Variants in ARG2 observed in about 807,000 individuals in gnomAD.
ARG2 encodes the protein arginase 2, also known as arginase-2, mitochondrial.
A neutral mutation model predicts 39.4 loss-of-function variants in ARG2; 21 were observed. The ratio of observed to expected loss-of-function variants is 0.53; its 90% CI spans 0.38 to 0.77. ARG2 has a LOEUF of 0.77. Among genes scored for constraint, ARG2 ranks in the 30% least tolerant of loss-of-function variants. The pLI is 0.00. For missense variants in ARG2, 378 were observed against 426.2 expected (o/e 0.89, Z 1.00); for synonymous variants, 150 against 156.7 (o/e 0.96, Z 0.32).
At chr14:67,640,812 C>G (rs916842539) in intron 2 of ARG2, among the ~76,000 whole-genome samples, 3 of 152,182 alleles carry the variant, frequency 2.0e-5, no homozygotes, top group African/African-American at 4.8e-5. Context: ...GAATATAGCA[C>G]TAGTTCTTAA....
intron 2 of ARG2, among the ~76,000 whole-genome samples, chr14:67,634,852 A>G (rs2036954790): frequency 6.6e-6 from 1 of 152,194 alleles, no homozygotes; most frequent in South Asian, 2.1e-4. Context: ...CCTCTCTATT[A>G]ATGACCAAAC....
At chr14:67,638,562 TC>T (rs1373339485) in intron 2 of ARG2, among the ~76,000 whole-genome samples, 1 of 152,148 alleles carries the variant, frequency 6.6e-6, no homozygotes, top group Non-Finnish European at 1.5e-5. Context: ...TTCCCCTGAC[TC>T]CTTTAGGACT....
chr14:67,633,841 C>T (rs1229493445), intron 2 of ARG2, among the ~76,000 whole-genome samples: 1 of 152,218 alleles, frequency 6.6e-6, no homozygotes, highest in Non-Finnish European at 1.5e-5. Context: ...ATTTCTTCCT[C>T]CTCTCTTATT....
chr14:67,634,136 T>C (rs1204157320), intron 2 of ARG2, among the ~76,000 whole-genome samples: 1 of 152,202 alleles, frequency 6.6e-6, no homozygotes, highest in African/African-American at 2.4e-5. Flanking sequence ...AGCTTTCTCC[T>C]GTAACTTCAT....
intron 4 of ARG2, chr14:67,646,319 CTG>C (rs2037098316): frequency 3.5e-6 from 1 of 282,908 alleles, no homozygotes; most frequent in South Asian, 7.2e-5. Context: ...AAGAACCAAT[CTG>C]TAAACAAGTC....
chr14:67,621,848 G>A (rs1013060913), intron 2 of ARG2, among the ~76,000 whole-genome samples: 2 of 151,376 alleles, frequency 1.3e-5, no homozygotes, highest in Non-Finnish European at 2.9e-5. Flanking sequence ...TGTAATCCCA[G>A]CACTTTGGGA....
chr14:67,648,144 C>T lies in ARG2; in HGVS notation c.820C>T (p.Arg274Ter), dbSNP rs2140784990. The T allele has an allele frequency of 6.2e-7, 1 of 1,613,992 alleles. No homozygotes were observed. The highest frequency in any genetic ancestry group is 8.5e-7 in the Non-Finnish European group (1 of 1,179,918). The change falls in exon 7 of 8, where the codon CGA becomes TGA. Residue 274 changes from arginine to a stop codon, truncating the protein, a stop_gained. Coordinates refer to ENST00000261783, the MANE Select transcript of ARG2 (RefSeq NM_001172.4). LOFTEE classifies it high-confidence loss of function. ...TCCTGTTGTCGGGGGACTAACCTAT[C>T]GAGAAGGCATGTATATTGCTGAGGA... ...GTPVVGGLTY[R>*]EGMYIAEEIH... is the part of the protein sequence containing the mutation.
At chr14:67,621,308 T>C (rs1594820628) in intron 2 of ARG2, among the ~76,000 whole-genome samples, 2 of 152,318 alleles carry the variant, frequency 1.3e-5, no homozygotes, top group African/African-American at 2.4e-5. Context: ...GAGATGCTTA[T>C]GATTTATCAG....
intron 2 of ARG2, among the ~76,000 whole-genome samples, chr14:67,635,633 C>T (rs1048141715): frequency 3.3e-5 from 5 of 152,206 alleles, no homozygotes; most frequent in African/African-American, 1.2e-4. Flanking sequence ...GTGGGTGGAT[C>T]ACCTGAGGTC....
intron 6 of ARG2, chr14:67,647,832 T>C (rs1043222256): frequency 1.6e-5 from 9 of 563,104 alleles, no homozygotes; most frequent in African/African-American, 5.6e-5. Context: ...GCAGAACAAA[T>C]GGCAGTATCA....
At chr14:67,647,141 T>C in intron 6 of ARG2, 116 bp downstream of exon 6, 1 of 710,338 alleles carries the variant, frequency 1.4e-6, no homozygotes, top group Non-Finnish European at 2.3e-6. Flanking sequence ...TACACATAAT[T>C]TTAAATAGTT....
rs777602887 is a variant in ARG2 at position 67,648,079 on chromosome 14, T to C, written c.755T>C (p.Ile252Thr). The C allele has an allele frequency of 2.3e-5, 37 of 1,613,592 alleles. No individual in the cohort carries two copies. In the Admixed American group the frequency reaches 4.8e-4, roughly 21 times the overall value. The change falls in exon 7 of 8, where the codon ATT (isoleucine) becomes ACT (threonine). Residue 252 changes from isoleucine to threonine, a missense_variant. Ile to Thr is a moderately conservative substitution (Grantham distance 89). Transcript: ENST00000261783. ...AGACCAATCCATTTGAGTTTTGATA[T>C]TGATGCATTTGACCCTACACTGGCT... ...RQRPIHLSFD[I>T]DAFDPTLAPA...
At position 67,651,221 on chromosome 14, in the gene ARG2, T is replaced by C. The variant is rs577825661; in HGVS notation, c.*301T>C. 9.5e-6 allele frequency: 13 copies of C among 1,368,416 alleles called. No individual in the cohort carries two copies. The highest frequency in any genetic ancestry group is 1.3e-5 in the Non-Finnish European group (13 of 1,023,636). 84.8% of individuals were successfully genotyped at this position (1,368,416 alleles called of 1,614,324 possible). Reference sequence around the variant, plus strand: ...GTCTTGTTGCTGTTGTTCCTTCACATTTAAGTGGTTTTTCATCTTTCCTCC... The same window carrying C: ...GTCTTGTTGCTGTTGTTCCTTCACACTTAAGTGGTTTTTCATCTTTCCTCC... On this transcript the variant is annotated 3_prime_UTR_variant, in exon 8 of 8. Coordinates refer to ENST00000261783, the MANE Select transcript of ARG2 (RefSeq NM_001172.4).
intron 7 of ARG2, chr14:67,649,552 G>A (rs1017086119): frequency 6.6e-6 from 1 of 152,102 alleles, no homozygotes; most frequent in East Asian, 1.9e-4. Flanking sequence ...GACCACTTCT[G>A]GGATATGCTA....
chr14:67,639,058 A>C (rs2037002961), intron 2 of ARG2, among the ~76,000 whole-genome samples: 1 of 152,216 alleles, frequency 6.6e-6, no homozygotes, highest in African/African-American at 2.4e-5. Context: ...CCCTTCTAGC[A>C]CCTGTAATGA....
In ARG2 at chr14:67,651,630, C is replaced by CTTTAGCTGT; in HGVS notation, c.*711_*719dup. The CTTTAGCTGT allele has an allele frequency of 1.0e-5, 8 of 775,654 alleles. No individual in the cohort carries two copies. The South Asian group carries it at 1.4e-4, about 13-fold the overall frequency. The allele number at this position is 775,654 out of a possible 1,614,324, so 48.0% of individuals were successfully genotyped here. On this transcript the variant is annotated 3_prime_UTR_variant, in exon 8 of 8. Transcript: ENST00000261783. ...CTTAGCAGGAAGTACTCATAAGGTT[C>CTTTAGCTGT]TTTAGCTGTCACTTAGGGATAACAC...
chr14:67,637,118 A>G (rs2140751553), intron 2 of ARG2, among the ~76,000 whole-genome samples: 1 of 152,298 alleles, frequency 6.6e-6, no homozygotes, highest in East Asian at 1.9e-4. Flanking sequence ...TGATAAAGAA[A>G]TAGCTTTAAG....
At chr14:67,621,420 GAACT>G (rs1377205327) in intron 2 of ARG2, among the ~76,000 whole-genome samples, 1 of 151,722 alleles carries the variant, frequency 6.6e-6, no homozygotes, top group Non-Finnish European at 1.5e-5. Flanking sequence ...ATCTTATATA[GAACT>G]AATAGGCTTA....
In ARG2 at chr14:67,651,383, G is replaced by T. The variant is rs1325408558; in HGVS notation, c.*463G>T. On this transcript the variant is annotated 3_prime_UTR_variant, in exon 8 of 8. Transcript: ENST00000261783. ...GGTCCACAAACCCTTCCCTATAGAA[G>T]TTCAATGGCTGCGAAAGAATTTGTA... 1 of 1,613,766 alleles carries T rather than the reference G, an allele frequency of 6.2e-7. No individual in the cohort carries two copies. The highest frequency in any genetic ancestry group is 1.7e-5 in the Admixed American group (1 of 60,016).
Sources: allele counts gnomAD v4.1 joint callset (sites outside exome capture counted in the v4.1 genomes callset), GRCh38; gene constraint gnomAD v4.1.1; transcripts MANE v1.5; gene names NCBI Gene and HGNC (gene_info 2026-07-23, HGNC 2026-07-21).